Variants in TASP1 observed in about 807,000 individuals in gnomAD.
TASP1 encodes threonine aspartase 1.
In TASP1, 16 loss-of-function variants were observed where a neutral mutation model predicts 56.6. The ratio of observed to expected loss-of-function variants is 0.28; its 90% CI spans 0.19 to 0.43. The LOEUF (loss-of-function observed/expected upper bound fraction) is 0.43, where lower values mean the gene tolerates loss of function less well. Among genes scored for constraint, TASP1 ranks in the 20% least tolerant of loss-of-function variants. The pLI, the probability that TASP1 is intolerant of heterozygous loss-of-function variation, is 1.00. For synonymous variants in TASP1, 179 were observed against 184.2 expected, an observed-to-expected ratio of 0.97 and a Z score of 0.23; for missense variants, 393 against 511.6, an observed-to-expected ratio of 0.77 and a Z score of 2.24.
chr20:13,192,559 G>A, the TASP1 span, among the ~76,000 whole-genome samples: 3 of 151,712 alleles, frequency 2.0e-5, no homozygotes, highest in Admixed American at 6.6e-5. Context: ...CACACACACA[G>A]GCACACATGA....
the TASP1 span, among the ~76,000 whole-genome samples, chr20:13,309,837 A>G: frequency 9.6e-3 from 1,386 of 144,838 alleles, 20 homozygotes; most frequent in African/African-American, 0.035. Flanking sequence ...AAACATTCTC[A>G]TTTACAACAG....
Position 13,559,134 on chromosome 20 carries a change from A to G in TASP1, c.569-20T>C. Reference sequence around the variant, plus strand: ...TGAATCCTATAAAATAAAAATAAAAAACATTAAATATAACATTTAAGAAAT... The same window carrying G: ...TGAATCCTATAAAATAAAAATAAAAGACATTAAATATAACATTTAAGAAAT... On this transcript the variant is annotated intron_variant, in intron 7 of 13. Transcript: ENST00000337743. 1 of 1,445,834 alleles carries G rather than the reference A, an allele frequency of 6.9e-7. No individual in the cohort carries two copies. 89.6% of individuals were successfully genotyped at this position (1,445,834 alleles called of 1,614,324 possible).
intron 10 of TASP1, among the ~76,000 whole-genome samples, chr20:13,514,337 G>A (rs965154803): frequency 1.3e-5 from 2 of 152,064 alleles, no homozygotes; most frequent in Non-Finnish European, 2.9e-5. Context: ...GAGAAATGGA[G>A]AAACAAGAAC....
At chr20:13,426,251 G>A (rs753405647) in intron 12 of TASP1, among the ~76,000 whole-genome samples, 8 of 152,224 alleles carry the variant, frequency 5.3e-5, no homozygotes, top group Non-Finnish European at 8.8e-5. Flanking sequence ...TTATTAAAAC[G>A]CAATTTTATT....
At chr20:13,560,946 CAA>C (rs772739637) in intron 7 of TASP1, among the ~76,000 whole-genome samples, 1 of 152,108 alleles carries the variant, frequency 6.6e-6, no homozygotes, top group African/African-American at 2.4e-5. Context: ...AGGCCAAAGA[CAA>C]AGAGAGAATC....
intron 8 of TASP1, among the ~76,000 whole-genome samples, chr20:13,549,529 T>C (rs1233823838): frequency 6.6e-6 from 1 of 152,122 alleles, no homozygotes; most frequent in Non-Finnish European, 1.5e-5. Flanking sequence ...AGCATCACCA[T>C]GTCTATGATA....
the TASP1 span, among the ~76,000 whole-genome samples, chr20:13,174,620 G>A: frequency 1.3e-5 from 2 of 151,606 alleles, no homozygotes; most frequent in Non-Finnish European, 2.9e-5. Context: ...AATCACTTGA[G>A]CCTGGGAAGT....
the TASP1 span, among the ~76,000 whole-genome samples, chr20:13,271,128 A>G: frequency 6.6e-6 from 1 of 152,216 alleles, no homozygotes; most frequent in African/African-American, 2.4e-5. Flanking sequence ...GGCCAATCTG[A>G]CCTGTGAATA....
the TASP1 span, among the ~76,000 whole-genome samples, chr20:13,368,127 A>G: frequency 4.6e-5 from 7 of 152,200 alleles, no homozygotes; most frequent in African/African-American, 1.4e-4. Flanking sequence ...GCATATTTAA[A>G]TCATCTTTAA....
chr20:13,156,398 T>C, the TASP1 span, among the ~76,000 whole-genome samples: 1 of 152,216 alleles, frequency 6.6e-6, no homozygotes. Flanking sequence ...CAATATGCTA[T>C]GAACGATATG....
intron 5 of TASP1, 25 bp from the exon 6 acceptor site, chr20:13,581,006 CA>C: frequency 8.0e-7 from 1 of 1,252,428 alleles, no homozygotes; most frequent in South Asian, 1.3e-5. Flanking sequence ...AAAAAATTGG[CA>C]AAAAAGATGT....
At chr20:13,528,359 C>T in intron 10 of TASP1, 74 bp downstream of exon 10, 3 of 1,329,032 alleles carry the variant, frequency 2.3e-6, no homozygotes, top group Non-Finnish European at 3.2e-6. Flanking sequence ...TGTTTACCCA[C>T]AAATATTGCT....
At chr20:13,148,969 T>A in the TASP1 span, among the ~76,000 whole-genome samples, 4 of 152,254 alleles carry the variant, frequency 2.6e-5, no homozygotes, top group Non-Finnish European at 5.9e-5. Flanking sequence ...TCCTGTAAGA[T>A]AAGCTTATCT....
the TASP1 span, among the ~76,000 whole-genome samples, chr20:13,302,786 A>T: frequency 8.5e-5 from 13 of 152,172 alleles, no homozygotes; most frequent in Admixed American, 7.2e-4. Context: ...GCCACATCTG[A>T]ACACAACAGT....
chr20:13,241,223 G>A, the TASP1 span, among the ~76,000 whole-genome samples: 1 of 152,280 alleles, frequency 6.6e-6, no homozygotes, highest in Non-Finnish European at 1.5e-5. Flanking sequence ...AGACTCCAGT[G>A]TCTATTGGGT....
chr20:13,288,036 T>C, the TASP1 span, among the ~76,000 whole-genome samples: 1 of 152,008 alleles, frequency 6.6e-6, no homozygotes, highest in Non-Finnish European at 1.5e-5. Flanking sequence ...GTCCATGTGA[T>C]GTCCCATAAT....
chr20:13,585,592 T>C (rs2047274253), intron 5 of TASP1, among the ~76,000 whole-genome samples: 1 of 138,452 alleles, frequency 7.2e-6, no homozygotes, highest in Non-Finnish European at 1.5e-5. Context: ...AAAAGGCTCT[T>C]ATAAGTCACT....
chr20:13,340,918 A>C, the TASP1 span, among the ~76,000 whole-genome samples: 1 of 152,212 alleles, frequency 6.6e-6, no homozygotes, highest in Non-Finnish European at 1.5e-5. Context: ...AAAATGTAGC[A>C]CAGAGAGATT....
the TASP1 span, among the ~76,000 whole-genome samples, chr20:13,231,721 C>T: frequency 6.6e-6 from 1 of 152,194 alleles, no homozygotes; most frequent in East Asian, 1.9e-4. Flanking sequence ...ATCCATTAGA[C>T]AGCAACACCC....
Sources: gnomAD v4.1 joint callset for allele counts (sites outside exome capture counted in the v4.1 genomes callset) on GRCh38, gnomAD v4.1.1 for gene constraint, MANE v1.5 for transcripts, NCBI Gene and HGNC (gene_info 2026-07-23, HGNC 2026-07-21) for gene names.